SLC35F1: variants seen among roughly 807,000 people sequenced by gnomAD.
The protein encoded by SLC35F1 is solute carrier family 35 member F1.
SLC35F1 carries 14 observed loss-of-function variants against 48.7 expected under a neutral mutation model. That is an observed-to-expected ratio of 0.29 (90% CI 0.19 to 0.45). The LOEUF (loss-of-function observed/expected upper bound fraction) is 0.45, where lower values mean the gene tolerates loss of function less well. SLC35F1 is among the 20% of genes least tolerant of loss of function. The probability of loss-of-function intolerance (pLI) is 1.00; values close to 1 mark genes in which losing one functional copy is unlikely to be tolerated. For missense variants in SLC35F1, 404 were observed against 500.0 expected (o/e 0.81, Z 1.83); for synonymous variants, 190 against 202.2 (o/e 0.94, Z 0.51).
intron 1 of SLC35F1, among the ~76,000 whole-genome samples, chr6:118,048,473 C>T (rs1367162478): frequency 6.6e-6 from 1 of 152,124 alleles, no homozygotes; most frequent in Non-Finnish European, 1.5e-5. Context: ...CCCATTGTCT[C>T]AGCCCAAAAT....
chr6:118,051,687 T>C (rs1171910965), intron 1 of SLC35F1, among the ~76,000 whole-genome samples: 1 of 152,126 alleles, frequency 6.6e-6, no homozygotes, highest in Non-Finnish European at 1.5e-5. Context: ...AGGAAAATAT[T>C]AGTAGGAACT....
chr6:118,246,854 T>C (rs557916709), intron 3 of SLC35F1, among the ~76,000 whole-genome samples: 5 of 152,310 alleles, frequency 3.3e-5, no homozygotes, highest in African/African-American at 9.6e-5. Context: ...TAATGTAGTC[T>C]CTAACTCCCT....
intron 1 of SLC35F1, among the ~76,000 whole-genome samples, chr6:118,046,407 T>A (rs1772300953): frequency 6.6e-6 from 1 of 152,184 alleles, no homozygotes; most frequent in Non-Finnish European, 1.5e-5. Flanking sequence ...AATTAGATAA[T>A]GCTTCAAATG....
chr6:118,166,133 G>A (rs1212891149), intron 2 of SLC35F1, among the ~76,000 whole-genome samples: 1 of 151,860 alleles, frequency 6.6e-6, no homozygotes, highest in East Asian at 1.9e-4. Context: ...ATCAGGGTGG[G>A]GAGAGGAAAA....
At chr6:117,964,529 G>A (rs1390653717) in intron 1 of SLC35F1, among the ~76,000 whole-genome samples, 8 of 152,210 alleles carry the variant, frequency 5.3e-5, no homozygotes, top group Non-Finnish European at 1.5e-5. Flanking sequence ...AAGAGAGGGT[G>A]ATGTTTCATC....
At chr6:118,098,599 T>C (rs568677470) in intron 1 of SLC35F1, among the ~76,000 whole-genome samples, 1 of 152,302 alleles carries the variant, frequency 6.6e-6, no homozygotes, top group African/African-American at 2.4e-5. Context: ...CTTATGTCTT[T>C]TTTTATAATT....
intron 1 of SLC35F1, among the ~76,000 whole-genome samples, chr6:117,981,551 T>G (rs999537569): frequency 2.0e-5 from 3 of 152,098 alleles, no homozygotes; most frequent in Non-Finnish European, 4.4e-5. Flanking sequence ...AATAACTTAG[T>G]GGGATTACAT....
intron 7 of SLC35F1, among the ~76,000 whole-genome samples, chr6:118,299,978 A>G (rs1473672706): frequency 6.6e-6 from 1 of 152,262 alleles, no homozygotes; most frequent in Admixed American, 6.5e-5. Flanking sequence ...GAAATAGTAC[A>G]TGTAAATCAT....
At chr6:117,998,036 C>T (rs868852754) in intron 1 of SLC35F1, among the ~76,000 whole-genome samples, 57 of 147,730 alleles carry the variant, frequency 3.9e-4, no homozygotes, top group Middle Eastern at 3.4e-3. Context: ...ACCCATCTCA[C>T]GTGCAGAGAC....
chr6:118,280,385 A>G (rs1017936357), intron 6 of SLC35F1, among the ~76,000 whole-genome samples: 4 of 152,182 alleles, frequency 2.6e-5, no homozygotes, highest in African/African-American at 9.7e-5. Flanking sequence ...CAGAGAAAAG[A>G]AAAAGTGTGC....
intron 1 of SLC35F1, among the ~76,000 whole-genome samples, chr6:118,082,898 C>T (rs142349230): frequency 2.6e-4 from 39 of 152,188 alleles, no homozygotes; most frequent in Middle Eastern, 3.4e-3. Context: ...TCACAATGGC[C>T]TGGAGAAGGA....
chr6:118,267,929 G>GAA (rs113773291), intron 4 of SLC35F1, among the ~76,000 whole-genome samples: 5 of 151,582 alleles, frequency 3.3e-5, no homozygotes, highest in African/African-American at 1.2e-4. Context: ...TTTTGGAACA[G>GAA]AAAAAAAATG....
At chr6:118,172,407 C>A (rs1217342115) in intron 2 of SLC35F1, among the ~76,000 whole-genome samples, 1 of 152,070 alleles carries the variant, frequency 6.6e-6, no homozygotes, top group Non-Finnish European at 1.5e-5. Context: ...ACTCTTGTGG[C>A]ATTTTTATTA....
intron 1 of SLC35F1, among the ~76,000 whole-genome samples, chr6:118,081,399 G>A (rs537600802): frequency 2.0e-5 from 3 of 152,214 alleles, no homozygotes; most frequent in Admixed American, 1.3e-4. Context: ...GGGAGGCTGA[G>A]ATGGGAGGAT....
chr6:117,929,113 C>T (rs1028791208), intron 1 of SLC35F1, among the ~76,000 whole-genome samples: 3 of 152,010 alleles, frequency 2.0e-5, no homozygotes, highest in Admixed American at 6.6e-5. Flanking sequence ...CCATCAGCTT[C>T]CTTTTGACCA....
intron 3 of SLC35F1, among the ~76,000 whole-genome samples, chr6:118,245,119 T>A (rs1775490639): frequency 6.6e-6 from 1 of 152,238 alleles, no homozygotes; most frequent in South Asian, 2.1e-4. Flanking sequence ...TGCAGGTTCA[T>A]TCATGCTACA....
chr6:117,997,958 C>CTG (rs1777021578), intron 1 of SLC35F1, among the ~76,000 whole-genome samples: 2 of 150,740 alleles, frequency 1.3e-5, no homozygotes, highest in Admixed American at 1.3e-4. Context: ...CTAAATGCTC[C>CTG]AATTAAAAGA....
At chr6:117,941,372 G>C (rs754611558) in intron 1 of SLC35F1, among the ~76,000 whole-genome samples, 2 of 152,118 alleles carry the variant, frequency 1.3e-5, no homozygotes, top group Non-Finnish European at 2.9e-5. Context: ...GTACATTCAT[G>C]GTAAAGCTCT....
At chr6:118,296,265 G>C (rs562605720) in intron 7 of SLC35F1, among the ~76,000 whole-genome samples, 3 of 152,324 alleles carry the variant, frequency 2.0e-5, no homozygotes, top group Non-Finnish European at 2.9e-5. Flanking sequence ...AGTTACTACT[G>C]TCTAGCTCCT....
Sources: gnomAD v4.1 joint callset for allele counts (sites outside exome capture counted in the v4.1 genomes callset) on GRCh38, gnomAD v4.1.1 for gene constraint, MANE v1.5 for transcripts, NCBI Gene and HGNC (gene_info 2026-07-23, HGNC 2026-07-21) for gene names.